XYLT1: variants seen among roughly 807,000 people sequenced by gnomAD.
The protein encoded by XYLT1 is beta-D-xylosyltransferase 1.
XYLT1 carries 36 observed loss-of-function variants against 91.3 expected under a neutral mutation model. That is an observed-to-expected ratio of 0.39 (90% CI 0.30 to 0.52). XYLT1 has a LOEUF of 0.52. Among genes scored for constraint, XYLT1 ranks in the 20% least tolerant of loss-of-function variants. The pLI is 0.68. For synonymous variants in XYLT1, 588 were observed against 532.0 expected, an observed-to-expected ratio of 1.11 and a Z score of -1.45; for missense variants, 1,242 against 1,284.5, an observed-to-expected ratio of 0.97 and a Z score of 0.51.
rs12103078 is a variant in XYLT1, at chr16:17,102,267, T to G, written c.*6428A>C. On this transcript the variant is annotated 3_prime_UTR_variant, in exon 12 of 12. Transcript: ENST00000261381. ...TCACCATGCAGATGACAGAAGAGAA[T>G]ATGAGATTGTGTAAAGATGCACAAT... 0.016 allele frequency: 2,407 copies of G among 152,760 alleles called. 55 individuals are homozygous for G. Among genetic ancestry groups the G allele is most frequent in the African/African-American group, 0.043 (1,807 of 41,568 alleles). 9.5% of individuals were successfully genotyped at this position (152,760 alleles called of 1,614,324 possible). A position where few individuals can be genotyped will look rare whatever the true frequency, so the allele number is the denominator to read the frequency against.
At chr16:17,375,889 G>T (rs1222587409) in intron 1 of XYLT1, among the ~76,000 whole-genome samples, 2 of 152,268 alleles carry the variant, frequency 1.3e-5, no homozygotes, top group South Asian at 4.1e-4. Context: ...GGAGCCACTG[G>T]TGTCCCTACG....
At chr16:17,444,173 G>T (rs1216093739) in intron 1 of XYLT1, among the ~76,000 whole-genome samples, 1 of 152,144 alleles carries the variant, frequency 6.6e-6, no homozygotes, top group African/African-American at 2.4e-5. Flanking sequence ...CCTCAAGGAG[G>T]CCTTCCCTGG....
intron 1 of XYLT1, among the ~76,000 whole-genome samples, chr16:17,447,436 C>T (rs1015192851): frequency 4.3e-4 from 66 of 152,356 alleles, no homozygotes; most frequent in Middle Eastern, 3.4e-3. Flanking sequence ...ACAAATCCCA[C>T]ATTATTTTAT....
At chr16:17,183,438 G>C (rs1181253171) in intron 5 of XYLT1, among the ~76,000 whole-genome samples, 1 of 149,540 alleles carries the variant, frequency 6.7e-6, no homozygotes, top group African/African-American at 2.5e-5. Context: ...TGACCCGTTG[G>C]CAAAAAACTC....
intron 11 of XYLT1, among the ~76,000 whole-genome samples, chr16:17,113,653 T>C (rs1966846721): frequency 6.6e-6 from 1 of 152,176 alleles, no homozygotes; most frequent in African/African-American, 2.4e-5. Context: ...CCTGACACAC[T>C]CCCTGGAGGA....
At chr16:17,351,580 C>A (rs1031411949) in intron 2 of XYLT1, among the ~76,000 whole-genome samples, 1 of 152,074 alleles carries the variant, frequency 6.6e-6, no homozygotes, top group Non-Finnish European at 1.5e-5. Flanking sequence ...TGGTTAAAGT[C>A]TGAACTTAAA....
At chr16:17,389,668 A>G (rs758118488) in intron 1 of XYLT1, among the ~76,000 whole-genome samples, 3 of 152,196 alleles carry the variant, frequency 2.0e-5, no homozygotes, top group Admixed American at 6.5e-5. Context: ...CACATCCAAC[A>G]TAGTCCCTGG....
chr16:17,259,411 C>G lies in XYLT1; in HGVS notation c.490G>C (p.Asp164His), dbSNP rs750922490. The change falls in exon 3 of 12, where the codon GAC becomes CAC. Residue 164 changes from aspartate (D) to histidine (H), a missense_variant. By Grantham distance (81) the Asp-to-His change is moderately conservative. Around this residue, in one of 3 missense-constraint regions of XYLT1, gnomAD observed 437 missense variants for 411.5 expected, o/e 1.06. Coordinates refer to ENST00000261381, the MANE Select transcript of XYLT1 (RefSeq NM_022166.4). ...GTCCTGGGTGCGAAGTTGCTGTTGTCGACATTCTCAAAGTCTTTGGGGACA... is the reference window on the plus strand; with the variant it reads ...GTCCTGGGTGCGAAGTTGCTGTTGTGGACATTCTCAAAGTCTTTGGGGACA... ...NSVPKDFENV[D>H]NSNFAPRTQK... 6.2e-7 allele frequency: 1 copy of G among 1,614,044 alleles called. No homozygotes were observed. The highest frequency in any genetic ancestry group is 1.1e-5 in the South Asian group (1 of 91,068).
chr16:17,145,098 T>C (rs1272388237), intron 6 of XYLT1, among the ~76,000 whole-genome samples: 1 of 152,228 alleles, frequency 6.6e-6, no homozygotes, highest in Admixed American at 6.5e-5. Flanking sequence ...TTCTAGATAT[T>C]TCATATAAAG....
At chr16:17,426,976 G>A (rs1317125893) in intron 1 of XYLT1, among the ~76,000 whole-genome samples, 2 of 152,214 alleles carry the variant, frequency 1.3e-5, no homozygotes, top group Non-Finnish European at 2.9e-5. Context: ...GGGCCCTGAG[G>A]CAGGATAGAG....
chr16:17,292,183 A>G (rs925664059), intron 2 of XYLT1, among the ~76,000 whole-genome samples: 5 of 152,080 alleles, frequency 3.3e-5, no homozygotes, highest in Non-Finnish European at 7.3e-5. Flanking sequence ...TTATATATAC[A>G]TGATGGGAAA....
At chr16:17,265,882 G>T (rs28532845) in intron 2 of XYLT1, among the ~76,000 whole-genome samples, 8,484 of 152,156 alleles carry the variant, frequency 0.056, 772 homozygotes, top group African/African-American at 0.19. Context: ...TGCTCTTATT[G>T]TTTATGTAGG....
intron 2 of XYLT1, among the ~76,000 whole-genome samples, chr16:17,286,045 C>A (rs2034136459): frequency 6.6e-6 from 1 of 152,106 alleles, no homozygotes; most frequent in Non-Finnish European, 1.5e-5. Flanking sequence ...GGCCCACGTG[C>A]CTCTCTGCTA....
intron 3 of XYLT1, among the ~76,000 whole-genome samples, chr16:17,223,271 G>A (rs894754400): frequency 1.3e-5 from 2 of 152,190 alleles, no homozygotes; most frequent in Non-Finnish European, 1.5e-5. Context: ...CCCTTTTGCA[G>A]GAACAGAGCC....
At chr16:17,221,298 T>C (rs1017679097) in intron 3 of XYLT1, among the ~76,000 whole-genome samples, 1 of 152,182 alleles carries the variant, frequency 6.6e-6, no homozygotes, top group African/African-American at 2.4e-5. Context: ...CAGAAATATA[T>C]TGACAAAAGC....
rs199777312 is a variant in XYLT1 at position 17,449,242 on chromosome 16, C to T, written c.363+21192G>A. 7.9e-5 allele frequency among the ~76,000 whole-genome samples: 12 copies of T among 152,346 alleles called. No homozygotes were observed. The East Asian group carries it at 2.1e-3, about 27-fold the overall frequency. ...GAGCAGGCCAAAGGAGGGCTGGGGC[C>T]AAATCTGCAGCCCCATCCTGGGGAA... On this transcript the variant is annotated intron_variant, in intron 1 of 11. Coordinates refer to ENST00000261381, the MANE Select transcript of XYLT1 (RefSeq NM_022166.4).
chr16:17,274,412 T>C (rs2141777185), intron 2 of XYLT1, among the ~76,000 whole-genome samples: 1 of 152,256 alleles, frequency 6.6e-6, no homozygotes, highest in Non-Finnish European at 1.5e-5. Context: ...ATCACAGGTT[T>C]ATTCATTCCA....
At chr16:17,153,189 A>G (rs1462052665) in intron 6 of XYLT1, among the ~76,000 whole-genome samples, 1 of 152,184 alleles carries the variant, frequency 6.6e-6, no homozygotes, top group Non-Finnish European at 1.5e-5. Context: ...GCTTTTCCAT[A>G]TATTAATTCT....
At chr16:17,121,084 T>C (rs2141488209) in intron 10 of XYLT1, among the ~76,000 whole-genome samples, 1 of 152,310 alleles carries the variant, frequency 6.6e-6, no homozygotes, top group South Asian at 2.1e-4. Context: ...GCTGAACACA[T>C]GGACTTCCCT....
Sources: allele counts gnomAD v4.1 joint callset (sites outside exome capture counted in the v4.1 genomes callset), GRCh38; gene constraint gnomAD v4.1.1; regional missense constraint gnomAD v4.1.1; transcripts MANE v1.5; gene names NCBI Gene and HGNC (gene_info 2026-07-23, HGNC 2026-07-21).